The following ZNF66 variants were observed in gnomAD, a reference collection of about 807,000 sequenced individuals.
ZNF66 encodes the protein zinc finger protein 66, also known as putative zinc finger protein 66.
In ZNF66, 32 loss-of-function variants were observed where a neutral mutation model predicts 35.2. That is an observed-to-expected ratio of 0.91 (90% confidence interval 0.69 to 1.22). ZNF66 has a LOEUF of 1.22. Ranked by LOEUF, ZNF66 falls within the 50% of genes most tolerant of loss-of-function variation. ZNF66 has a pLI of 0.00. For synonymous variants in ZNF66, 231 were observed against 181.3 expected, an observed-to-expected ratio of 1.27 and a Z score of -2.20; for missense variants, 666 against 543.1, an observed-to-expected ratio of 1.23 and a Z score of -2.25.
chr19:20,782,930 C>T (rs1225782490), intron 1 of ZNF66, among the ~76,000 whole-genome samples: 2 of 152,070 alleles, frequency 1.3e-5, no homozygotes, highest in East Asian at 3.8e-4. Context: ...TTGCCAGTTT[C>T]TGTGTCTAGA....
Position 20,782,052 on chromosome 19 carries a change from C to T in ZNF66, c.3+5602C>T, listed in dbSNP as rs181773009. Among the ~76,000 whole-genome samples the T allele has an allele frequency of 2.4e-4, 37 of 152,268 alleles. 1 individual carries two copies. Among genetic ancestry groups the T allele is most frequent in the East Asian group, 1.7e-3 (9 of 5,170 alleles). ...CCCAGGCTAAAGCAATTCTCTCCTA[C>T]CTCATCTTCCCAAGAAGCTAGGACT... On this transcript the variant is annotated intron_variant, in intron 1 of 3. Transcript: ENST00000344519.
chr19:20,781,603 G>A (rs900979666), intron 1 of ZNF66, among the ~76,000 whole-genome samples: 42 of 124,500 alleles, frequency 3.4e-4, no homozygotes, highest in Non-Finnish European at 6.2e-4. Context: ...TCCACCTCCC[G>A]GTTCAAGTGA....
chr19:20,802,685 C>A (rs1394741552), intron 3 of ZNF66, among the ~76,000 whole-genome samples: 1 of 150,232 alleles, frequency 6.7e-6, no homozygotes, highest in Non-Finnish European at 1.5e-5. Context: ...GTTCTCTATA[C>A]CTTCATTAGA....
At position 20,806,772 on chromosome 19, in the gene ZNF66, A is replaced by G. The variant is rs772325971; in HGVS notation, c.1172A>G (p.His391Arg). ...SCSLTAHKII[H>R]TGKKPYKCEE... ...TCCCTTACTGCACATAAGATAATTC[A>G]TACTGGAAAGAAACCTTACAAATGT... The change falls in exon 4 of 4, where the codon CAT (histidine) becomes CGT (arginine). Residue 391 changes from histidine (H) to arginine (R), a missense_variant. Transcript: ENST00000344519. 7.5e-7 allele frequency: 1 copy of G among 1,325,746 alleles called. No individual in the cohort carries two copies. Among genetic ancestry groups the G allele is most frequent in the Non-Finnish European group, 1.1e-6 (1 of 920,524 alleles). 82.1% of individuals were successfully genotyped at this position (1,325,746 alleles called of 1,614,324 possible). A position where few individuals can be genotyped will look rare whatever the true frequency, so the allele number is the denominator to read the frequency against.
intron 3 of ZNF66, among the ~76,000 whole-genome samples, chr19:20,801,546 T>C (rs1971447400): frequency 6.6e-6 from 1 of 152,140 alleles, no homozygotes; most frequent in Non-Finnish European, 1.5e-5. Context: ...GGTTTTCCCA[T>C]GATGGCCAGG....
chr19:20,800,209 A>G (rs182980839), intron 3 of ZNF66, among the ~76,000 whole-genome samples: 4 of 152,064 alleles, frequency 2.6e-5, no homozygotes, highest in Admixed American at 6.6e-5. Flanking sequence ...TAGTGTTAGG[A>G]TCTCACTATT....
At chr19:20,805,107 T>G (rs379044) in intron 3 of ZNF66, among the ~76,000 whole-genome samples, 12,747 of 147,268 alleles carry the variant, frequency 0.087, 590 homozygotes, top group Middle Eastern at 0.1. Flanking sequence ...CAATTTACAT[T>G]TGTGTGTGTG....
Position 20,777,048 on chromosome 19 carries a change from G to A in ZNF66, c.3+598G>A, listed in dbSNP as rs190212674. 6.3e-3 allele frequency among the ~76,000 whole-genome samples: 947 copies of A among 151,186 alleles called. 12 individuals carry two copies. The highest frequency in any genetic ancestry group is 0.023 in the African/African-American group (927 of 41,074). ...GAGAATCGCTTGAACCCGGGAGGCG[G>A]AGGTTGCAGTGAGCTGAAATCCTGC... On this transcript the variant is annotated intron_variant, in intron 1 of 3. Transcript: ENST00000344519.
chr19:20,776,588 G>A (rs1315471261), intron 1 of ZNF66, 138 bp downstream of exon 1: 30 of 1,236,290 alleles, frequency 2.4e-5, no homozygotes, highest in Non-Finnish European at 3.5e-5. Context: ...GCCATAAGAT[G>A]GCGGCTACGC....
At position 20,808,421 on chromosome 19, in the gene ZNF66, C is replaced by T. The variant is rs1226527748; in HGVS notation, c.*1099C>T. 8.5e-5 allele frequency among the ~76,000 whole-genome samples: 13 copies of T among 152,162 alleles called. No homozygotes were observed. The highest frequency in any genetic ancestry group is 2.1e-4 in the South Asian group (1 of 4,820). On this transcript the variant is annotated 3_prime_UTR_variant, in exon 4 of 4. Transcript: ENST00000344519. ...CCTCCTCAAGTGGGTCTCTGACCCC[C>T]GAGCAGCCTAACTGGGAGGCACACC... is the stretch of plus-strand genomic sequence containing the variant.
At chr19:20,791,819 G>A (rs1347619909) in intron 1 of ZNF66, among the ~76,000 whole-genome samples, 4 of 151,996 alleles carry the variant, frequency 2.6e-5, no homozygotes, top group African/African-American at 7.2e-5. Context: ...GCTTAAATAG[G>A]TCTCTGACAG....
At position 20,806,371 on chromosome 19, in the gene ZNF66, C is replaced by A. The variant is rs999926989; in HGVS notation, c.771C>A (p.Tyr257Ter). Residue 257 changes from tyrosine (Y) to a stop codon, truncating the protein, a stop_gained, in exon 4 of 4, where the codon TAC (tyrosine) becomes TAA (stop). Transcript: ENST00000344519. LOFTEE classifies it high-confidence loss of function. ...AAATTCATACTGGAGAGAAACCCTA[C>A]AAATGTGAAGAATGTGGCAAGGCCT... ...HKKIHTGEKPYKCEECGKAFK... is the reference protein window; with the variant it reads ...HKKIHTGEKP The A allele has an allele frequency of 3.8e-6, 6 of 1,570,128 alleles. No homozygotes were observed. Among genetic ancestry groups the A allele is most frequent in the Non-Finnish European group, 5.3e-6 (6 of 1,141,202 alleles).
intron 1 of ZNF66, among the ~76,000 whole-genome samples, chr19:20,791,047 G>C (rs10404727): frequency 0.093 from 14,174 of 152,144 alleles, 676 homozygotes; most frequent in Middle Eastern, 0.11. Flanking sequence ...AAAATGTTCC[G>C]TTTGTGGCTG....
chr19:20,786,620 G>C (rs1235939101), intron 1 of ZNF66, among the ~76,000 whole-genome samples: 1 of 151,982 alleles, frequency 6.6e-6, no homozygotes, highest in African/African-American at 2.4e-5. Context: ...AAGTCCTTTT[G>C]GTTATCAAAC....
chr19:20,783,770 T>C (rs1971264246), intron 1 of ZNF66, among the ~76,000 whole-genome samples: 1 of 152,250 alleles, frequency 6.6e-6, no homozygotes, highest in Admixed American at 6.5e-5. Flanking sequence ...AATCTGTAGT[T>C]GTACCTTGTT....
At chr19:20,804,606 A>G (rs555041750) in intron 3 of ZNF66, among the ~76,000 whole-genome samples, 123 of 152,190 alleles carry the variant, frequency 8.1e-4, no homozygotes, top group African/African-American at 2.8e-3. Flanking sequence ...CAGAGGTACA[A>G]TCTTCACTCA....
chr19:20,800,375 G>T (rs549476517), intron 3 of ZNF66, among the ~76,000 whole-genome samples: 1 of 152,236 alleles, frequency 6.6e-6, no homozygotes, highest in South Asian at 2.1e-4. Context: ...AGAATATTGT[G>T]TATTATCTTG....
rs998818862 is a variant in ZNF66, at chr19:20,805,787, T to C, written c.227-40T>C. On this transcript the variant is annotated intron_variant, in intron 3 of 3. Transcript: ENST00000344519. ...GATTTGTAAAGTATATTTATCTGAG[T>C]CTAGCAAGTGAAGTAGTGTGTTTTT... The C allele has an allele frequency of 5.8e-6, 3 of 520,446 alleles. No individual in the cohort carries two copies. In the East Asian group the frequency reaches 9.0e-5, roughly 16 times the overall value. 32.2% of individuals were successfully genotyped at this position (520,446 alleles called of 1,614,324 possible).
At position 20,809,395 on chromosome 19, in the gene ZNF66, G is replaced by A. The variant is rs530885512; in HGVS notation, c.*2073G>A. Among the ~76,000 whole-genome samples, 53 of 152,138 alleles carry A rather than the reference G, an allele frequency of 3.5e-4. No individual in the cohort carries two copies. In the East Asian group the frequency reaches 9.7e-3, roughly 28 times the overall value. ...CATAATTGTCAGATTCACCAAAGTT[G>A]AAATGAAGGAAAAAATGTTAAGGGC... On this transcript the variant is annotated 3_prime_UTR_variant, in exon 4 of 4. Transcript: ENST00000344519.
Sources: allele counts gnomAD v4.1 joint callset (sites outside exome capture counted in the v4.1 genomes callset), GRCh38; gene constraint gnomAD v4.1.1; transcripts MANE v1.5; gene names NCBI Gene and HGNC (gene_info 2026-07-23, HGNC 2026-07-21).